TENM3: variants seen among roughly 807,000 people sequenced by gnomAD.
TENM3 encodes teneurin-3.
In TENM3, 63 loss-of-function variants were observed where a neutral mutation model predicts 255.1. That is an observed-to-expected ratio of 0.25 (90% CI 0.20 to 0.30). TENM3 has a LOEUF of 0.30. Among genes scored for constraint, TENM3 ranks in the 10% least tolerant of loss-of-function variants. The probability of loss-of-function intolerance (pLI) is 1.00; values close to 1 mark genes in which losing one functional copy is unlikely to be tolerated. For synonymous variants in TENM3, 1,306 were observed against 1,322.3 expected (o/e 0.99, Z 0.27); for missense variants, 2,929 against 3,461.1 (o/e 0.85, Z 3.86).
intron 3 of TENM3, among the ~76,000 whole-genome samples, chr4:182,465,123 T>C (rs768734082): frequency 2.6e-5 from 4 of 152,208 alleles, no homozygotes; most frequent in Non-Finnish European, 5.9e-5. Context: ...TCTCAACCTA[T>C]TGAAGTTAGT....
chr4:181,879,144 T>C, the TENM3 span, among the ~76,000 whole-genome samples: 4 of 152,176 alleles, frequency 2.6e-5, no homozygotes, highest in African/African-American at 9.7e-5. Flanking sequence ...GATGAGTCCA[T>C]GTGCAGAAAT....
chr4:182,154,112 A>C (rs1750529677), intron 1 of TENM3, among the ~76,000 whole-genome samples: 2 of 152,018 alleles, frequency 1.3e-5, no homozygotes, highest in Non-Finnish European at 2.9e-5. Flanking sequence ...GTAGATATAA[A>C]TTATTAATGC....
At chr4:182,246,963 C>G (rs1757695016) in intron 1 of TENM3, among the ~76,000 whole-genome samples, 1 of 152,212 alleles carries the variant, frequency 6.6e-6, no homozygotes, top group Non-Finnish European at 1.5e-5. Flanking sequence ...AGGGATGCCT[C>G]TCTGCGGAGG....
the TENM3 span, among the ~76,000 whole-genome samples, chr4:181,639,066 G>T: frequency 6.6e-6 from 1 of 152,090 alleles, no homozygotes; most frequent in East Asian, 1.9e-4. Flanking sequence ...GACTGTTTGG[G>T]AATACTTCAA....
chr4:182,197,841 A>G (rs943622555), intron 1 of TENM3, among the ~76,000 whole-genome samples: 1 of 152,216 alleles, frequency 6.6e-6, no homozygotes, highest in Non-Finnish European at 1.5e-5. Context: ...TCAGTGGCTC[A>G]CGCCTGTAAT....
At chr4:181,843,716 CTTTTTT>C in the TENM3 span, among the ~76,000 whole-genome samples, 3 of 104,686 alleles carry the variant, frequency 2.9e-5, no homozygotes, top group African/African-American at 1.1e-4. Flanking sequence ...TAAGGGCCTT[CTTTTTT>C]TTTTTTTTTT....
chr4:182,289,156 G>A (rs1760946552), intron 1 of TENM3, among the ~76,000 whole-genome samples: 1 of 152,262 alleles, frequency 6.6e-6, no homozygotes, highest in African/African-American at 2.4e-5. Flanking sequence ...CTTGAGCCTG[G>A]CAGGCGGAGG....
chr4:182,166,467 A>G (rs1415207015), intron 1 of TENM3, among the ~76,000 whole-genome samples: 1 of 152,162 alleles, frequency 6.6e-6, no homozygotes. Context: ...TTTTCATGGC[A>G]TCATCAACTG....
intron 1 of TENM3, among the ~76,000 whole-genome samples, chr4:182,315,407 G>GTTTTT (rs34862697): frequency 6.8e-6 from 1 of 148,000 alleles, no homozygotes. Flanking sequence ...AAATTCTAGG[G>GTTTTT]TTTTTTTTTT....
chr4:182,712,520 G>A (rs779209372), intron 12 of TENM3, among the ~76,000 whole-genome samples: 34 of 151,790 alleles, frequency 2.2e-4, no homozygotes, highest in Admixed American at 9.2e-4. Context: ...TTGTCTGAGC[G>A]AAAAGAAGCA....
the TENM3 span, among the ~76,000 whole-genome samples, chr4:181,887,057 T>C: frequency 6.6e-6 from 1 of 152,154 alleles, no homozygotes; most frequent in Non-Finnish European, 1.5e-5. Context: ...ATTTCATGAG[T>C]TCTTCTACAG....
chr4:182,554,745 TAATC>T (rs1465596789), intron 3 of TENM3, among the ~76,000 whole-genome samples: 2 of 152,050 alleles, frequency 1.3e-5, no homozygotes, highest in Non-Finnish European at 2.9e-5. Flanking sequence ...AGAAAAAAAA[TAATC>T]AAAAGAATTC....
chr4:181,812,811 C>T, the TENM3 span, among the ~76,000 whole-genome samples: 2 of 152,106 alleles, frequency 1.3e-5, no homozygotes, highest in African/African-American at 4.8e-5. Context: ...TCACAGTATA[C>T]AAATGACTGA....
chr4:182,765,740 C>T (rs1234893509), intron 22 of TENM3, among the ~76,000 whole-genome samples: 1 of 152,096 alleles, frequency 6.6e-6, no homozygotes, highest in Non-Finnish European at 1.5e-5. Flanking sequence ...AGTCAGAGCC[C>T]CTGTCTGGAT....
chr4:181,606,296 C>T, the TENM3 span, among the ~76,000 whole-genome samples: 4 of 152,138 alleles, frequency 2.6e-5, no homozygotes, highest in Admixed American at 6.5e-5. Flanking sequence ...ACAGCATGCC[C>T]CTGTCTCTCT....
chr4:182,755,684 A>G (rs370814295), intron 22 of TENM3, among the ~76,000 whole-genome samples: 1 of 151,764 alleles, frequency 6.6e-6, no homozygotes, highest in East Asian at 1.9e-4. Flanking sequence ...CTAAAAATAC[A>G]AAAAAAATAG....
At chr4:182,047,560 C>CAAAAAAAAAAAAAAAA in the TENM3 span, among the ~76,000 whole-genome samples, 2 of 72,324 alleles carry the variant, frequency 2.8e-5, no homozygotes, top group Non-Finnish European at 5.0e-5. Context: ...GACTCCATCT[C>CAAAAAAAAAAAAAAAA]AAAAAAAAAA....
chr4:182,590,944 C>T (rs1042755128), intron 3 of TENM3, among the ~76,000 whole-genome samples: 5 of 152,102 alleles, frequency 3.3e-5, no homozygotes, highest in Non-Finnish European at 7.4e-5. Context: ...CTGCACTTTA[C>T]GTTTTTTCTC....
chr4:181,666,299 G>A, the TENM3 span, among the ~76,000 whole-genome samples: 2 of 152,050 alleles, frequency 1.3e-5, no homozygotes, highest in African/African-American at 4.8e-5. Context: ...TACATATGCA[G>A]TAAAAAAATT....
Sources: gnomAD v4.1 joint callset for allele counts (sites outside exome capture counted in the v4.1 genomes callset) on GRCh38, gnomAD v4.1.1 for gene constraint, MANE v1.5 for transcripts, NCBI Gene and HGNC (gene_info 2026-07-23, HGNC 2026-07-21) for gene names.